The following HDAC8 variants were observed in gnomAD, a reference collection of about 807,000 sequenced individuals.
HDAC8 encodes the protein histone deacetylase-like 1.
A neutral mutation model predicts 32.2 loss-of-function variants in HDAC8; 1 was observed. The ratio of observed to expected loss-of-function variants is 0.03; its 90% CI spans 0.01 to 0.15. The LOEUF (loss-of-function observed/expected upper bound fraction) is 0.15. HDAC8 is among the 10% of genes least tolerant of loss of function. The probability of loss-of-function intolerance (pLI) is 1.00; values close to 1 mark genes in which losing one functional copy is unlikely to be tolerated. For missense variants in HDAC8, 117 were observed against 300.0 expected (o/e 0.39, Z 4.51); for synonymous variants, 108 against 113.9 (o/e 0.95, Z 0.33).
At chrX:72,346,431 G>C (rs181061170) in intron 10 of HDAC8, among the ~76,000 whole-genome samples, 1 of 112,245 alleles carries the variant, frequency 8.9e-6, no homozygotes, top group African/African-American at 3.2e-5. Context: ...CACCATGCAG[G>C]AGCACTGCTT....
chrX:72,474,118 TAA>T (rs2048262107), intron 7 of HDAC8: 1 of 750,172 alleles, frequency 1.3e-6, no homozygotes, highest in Non-Finnish European at 1.6e-6. Flanking sequence ...ACACACTTTG[TAA>T]AGATAGAGTA....
At chrX:72,338,192 A>G in intron 10 of HDAC8, among the ~76,000 whole-genome samples, 1 of 111,435 alleles carries the variant, frequency 9.0e-6, no homozygotes, top group South Asian at 3.8e-4. Context: ...GAGGGCAGGG[A>G]CCTTGTCTGC....
intron 4 of HDAC8, among the ~76,000 whole-genome samples, chrX:72,502,602 C>T (rs1024252066): frequency 9.0e-6 from 1 of 111,004 alleles, no homozygotes; most frequent in African/African-American, 3.3e-5. Flanking sequence ...CAAGTATCCC[C>T]GAACCTAAAC....
At chrX:72,454,032 A>C (rs1465509563) in intron 9 of HDAC8, among the ~76,000 whole-genome samples, 3 of 112,391 alleles carry the variant, frequency 2.7e-5, no homozygotes, top group African/African-American at 9.7e-5. Context: ...CTACGGTATA[A>C]GAAAAATGAA....
chrX:72,510,998 C>G (rs1482245471), intron 4 of HDAC8, among the ~76,000 whole-genome samples: 1 of 111,458 alleles, frequency 9.0e-6, no homozygotes, highest in Non-Finnish European at 1.9e-5. Flanking sequence ...ATCTCAGGTT[C>G]AGCCCAGATT....
At chrX:72,394,949 C>G (rs1302911192) in intron 9 of HDAC8, among the ~76,000 whole-genome samples, 2 of 111,473 alleles carry the variant, frequency 1.8e-5, no homozygotes, top group Non-Finnish European at 3.8e-5. Flanking sequence ...CTGCAGCCAC[C>G]CTTGGCAATC....
In HDAC8 at chrX:72,489,031, G is replaced by A. The variant is rs142540077; in HGVS notation, c.639C>T (p.Asp213=). 234 of 1,176,345 alleles carry A rather than the reference G, an allele frequency of 2.0e-4. No homozygotes were observed. The highest frequency in any genetic ancestry group is 1.7e-3 in the South Asian group (90 of 52,711). ...FSPGFFPGTG[D]VSDVGLGKGR... is the part of the protein sequence containing the mutation. The stretch of plus-strand genomic sequence containing the variant: ...CCTTCCCTAGGCCAACATCAGACAC[G>A]TCACCTGTTCCTATAAAAGAGAAGA... Residue 213 remains aspartate, a synonymous_variant, in exon 7 of 11, where the codon GAC becomes GAT. Transcript: ENST00000373573.
chrX:72,557,881 A>G (rs782497437), intron 4 of HDAC8, among the ~76,000 whole-genome samples: 29 of 112,162 alleles, frequency 2.6e-4, no homozygotes, highest in African/African-American at 9.4e-4. Flanking sequence ...AAATAAGCTC[A>G]AGTAGAAATG....
At chrX:72,391,607 A>T in intron 9 of HDAC8, among the ~76,000 whole-genome samples, 1 of 111,843 alleles carries the variant, frequency 8.9e-6, no homozygotes, top group Admixed American at 9.5e-5. Context: ...GAAAAAATCC[A>T]AACTCAACAT....
chrX:72,415,747 A>G (rs2046314919), intron 9 of HDAC8, among the ~76,000 whole-genome samples: 1 of 112,237 alleles, frequency 8.9e-6, no homozygotes, highest in South Asian at 3.7e-4. Flanking sequence ...GTACATAGAA[A>G]TATGTTCATT....
intron 7 of HDAC8, among the ~76,000 whole-genome samples, chrX:72,479,848 C>G (rs1028485385): frequency 2.6e-4 from 29 of 112,334 alleles, no homozygotes; most frequent in Admixed American, 2.5e-3. Flanking sequence ...CAACCCTAAA[C>G]AAATCCTGAG....
intron 10 of HDAC8, among the ~76,000 whole-genome samples, chrX:72,341,990 C>T (rs1476133798): frequency 1.8e-5 from 2 of 111,874 alleles, no homozygotes; most frequent in African/African-American, 3.2e-5. Flanking sequence ...TTATGCTCTT[C>T]GGGCACATTT....
intron 9 of HDAC8, among the ~76,000 whole-genome samples, chrX:72,415,582 T>C (rs906415225): frequency 1.8e-5 from 2 of 112,023 alleles, no homozygotes; most frequent in Admixed American, 1.9e-4. Context: ...TCCTTGTAGT[T>C]AGATCTTATT....
chrX:72,445,755 A>G (rs1421165988), intron 9 of HDAC8, among the ~76,000 whole-genome samples: 7 of 111,913 alleles, frequency 6.3e-5, no homozygotes, highest in African/African-American at 2.3e-4. Flanking sequence ...TCAACCTACA[A>G]AATGGGAGAA....
At chrX:72,420,962 G>C (rs1294278754) in intron 9 of HDAC8, among the ~76,000 whole-genome samples, 2 of 109,802 alleles carry the variant, frequency 1.8e-5, no homozygotes, top group African/African-American at 6.6e-5. Flanking sequence ...CATTTAATTT[G>C]TTTACTGATA....
chrX:72,335,372 C>T (rs1207615973), intron 10 of HDAC8, among the ~76,000 whole-genome samples: 2 of 111,971 alleles, frequency 1.8e-5, no homozygotes, highest in Admixed American at 9.5e-5. Context: ...CACTGAAGCC[C>T]GGCAACCATC....
At chrX:72,345,773 C>T (rs2044010603) in intron 10 of HDAC8, among the ~76,000 whole-genome samples, 1 of 111,448 alleles carries the variant, frequency 9.0e-6, no homozygotes, top group Non-Finnish European at 1.9e-5. Flanking sequence ...CTCAACCTCC[C>T]TGGGGTTAAG....
intron 9 of HDAC8, among the ~76,000 whole-genome samples, chrX:72,444,014 T>A (rs1280273439): frequency 1.8e-5 from 2 of 108,995 alleles, no homozygotes; most frequent in East Asian, 5.9e-4. Flanking sequence ...AATAGACCAA[T>A]AAGAGGCTCT....
At chrX:72,460,720 A>T (rs1415471889) in intron 9 of HDAC8, among the ~76,000 whole-genome samples, 1 of 112,233 alleles carries the variant, frequency 8.9e-6, no homozygotes, top group Admixed American at 9.5e-5. Flanking sequence ...AGGCTTCTAC[A>T]GCTTAAAACT....
Sources: gnomAD v4.1 joint callset for allele counts (sites outside exome capture counted in the v4.1 genomes callset) on GRCh38, gnomAD v4.1.1 for gene constraint, MANE v1.5 for transcripts, NCBI Gene and HGNC (gene_info 2026-07-23, HGNC 2026-07-21) for gene names.